Variants in PCDHA8 observed in about 807,000 individuals in gnomAD.
PCDHA8 encodes protocadherin alpha-8.
Under a neutral mutation model 61.8 loss-of-function variants are expected in PCDHA8, and 53 were observed. The ratio of observed to expected loss-of-function variants is 0.86; its 90% CI spans 0.69 to 1.08. The LOEUF is 1.08. Ranked by LOEUF, PCDHA8 falls within the 50% of genes least tolerant of loss-of-function variation. The probability of loss-of-function intolerance (pLI) is 0.00; values close to 1 mark genes in which losing one functional copy is unlikely to be tolerated. For missense variants in PCDHA8, 1,293 were observed against 1,245.0 expected (o/e 1.04, Z -0.58); for synonymous variants, 618 against 556.6 (o/e 1.11, Z -1.55).
intron 1 of PCDHA8, among the ~76,000 whole-genome samples, chr5:140,963,972 A>G (rs1233467161): frequency 2.0e-5 from 3 of 152,216 alleles, no homozygotes; most frequent in Non-Finnish European, 4.4e-5. Flanking sequence ...GACTGACTCC[A>G]AAGTCTATAT....
rs1365314674 is a variant in PCDHA8, at chr5:140,850,378, C to A, written c.2394+6663C>A. 1.3e-6 allele frequency: 2 copies of A among 1,597,842 alleles called. No homozygotes were observed. Among genetic ancestry groups the A allele is most frequent in the East Asian group, 2.2e-5 (1 of 44,846 alleles). On this transcript the variant is annotated intron_variant, in intron 1 of 3. Transcript: ENST00000531613. ...ATCCCGTTCCGCGTGGGGCTGTACA[C>A]GGGCGAGATCAGCACAACGCGTGCC...
At chr5:140,948,866 G>A (rs552659179) in intron 1 of PCDHA8, among the ~76,000 whole-genome samples, 32 of 151,022 alleles carry the variant, frequency 2.1e-4, no homozygotes, top group Non-Finnish European at 2.5e-4. Context: ...ATATTACTTC[G>A]GGTTTACTTT....
chr5:140,987,513 A>C (rs1324114239), intron 3 of PCDHA8, among the ~76,000 whole-genome samples: 3 of 152,168 alleles, frequency 2.0e-5, no homozygotes, highest in Non-Finnish European at 4.4e-5. Flanking sequence ...TCTGCCACTC[A>C]GTAATTGTAT....
At chr5:140,851,652 C>T (rs628890) in intron 1 of PCDHA8, 5 of 909,694 alleles carry the variant, frequency 5.5e-6, no homozygotes, top group Middle Eastern at 5.6e-4. Flanking sequence ...TTCAAGAAGA[C>T]ATTCTCCTTT....
chr5:140,841,357 G>T lies in PCDHA8; in HGVS notation c.36G>T (p.Trp12Cys). 1 of 1,613,058 alleles carries T rather than the reference G, an allele frequency of 6.2e-7. No individual in the cohort carries two copies. Among genetic ancestry groups the T allele is most frequent in the Non-Finnish European group, 8.5e-7 (1 of 1,179,412 alleles). The change falls in exon 1 of 4, where the codon TGG becomes TGT. Residue 12 changes from tryptophan to cysteine, a missense_variant. Transcript: ENST00000531613. ...ACTGGCGAGGAGAGCTGGGATCCTGGCGACTACTACTCTTGCTTCTGCTCC... is the reference window on the plus strand; with the variant it reads ...ACTGGCGAGGAGAGCTGGGATCCTGTCGACTACTACTCTTGCTTCTGCTCC... ...DYHWRGELGS[W>C]RLLLLLLLLA...
At chr5:140,959,331 T>C (rs1170663171) in intron 1 of PCDHA8, among the ~76,000 whole-genome samples, 1 of 152,072 alleles carries the variant, frequency 6.6e-6, no homozygotes. Flanking sequence ...GTTTTGATTA[T>C]GCTACTGCAC....
intron 1 of PCDHA8, among the ~76,000 whole-genome samples, chr5:140,957,854 T>C (rs2095390646): frequency 6.6e-6 from 1 of 151,872 alleles, no homozygotes; most frequent in Non-Finnish European, 1.5e-5. Context: ...GTTTGTGTAT[T>C]TTTTTTCCTA....
At chr5:141,008,985 A>G (rs566679512) in intron 3 of PCDHA8, among the ~76,000 whole-genome samples, 2 of 152,240 alleles carry the variant, frequency 1.3e-5, no homozygotes, top group South Asian at 4.1e-4. Context: ...AGTTTAATCT[A>G]GACACTAAAA....
At chr5:141,000,421 ATTT>A (rs34755515) in intron 3 of PCDHA8, among the ~76,000 whole-genome samples, 361 of 27,888 alleles carry the variant, frequency 0.013, no homozygotes, top group East Asian at 0.018. Context: ...ATATATATAT[ATTT>A]TTTTTTTTTT....
intron 3 of PCDHA8, among the ~76,000 whole-genome samples, chr5:140,991,989 G>A (rs782528431): frequency 1.3e-5 from 2 of 151,180 alleles, no homozygotes; most frequent in African/African-American, 4.9e-5. Flanking sequence ...CCTACCACCC[G>A]GTCTTTCATG....
chr5:140,979,088 A>G, intron 2 of PCDHA8, 81 bp downstream of exon 2: 1 of 1,559,594 alleles, frequency 6.4e-7, no homozygotes, highest in Non-Finnish European at 8.7e-7. Flanking sequence ...ATAGGCCAGA[A>G]GCAGCTGTCA....
At chr5:140,960,680 G>A (rs192174088) in intron 1 of PCDHA8, among the ~76,000 whole-genome samples, 2 of 152,162 alleles carry the variant, frequency 1.3e-5, no homozygotes, top group African/African-American at 4.8e-5. Context: ...AAACCTACTT[G>A]GGAATGAGGG....
At chr5:140,984,612 G>T (rs2097111075) in intron 3 of PCDHA8, among the ~76,000 whole-genome samples, 1 of 152,026 alleles carries the variant, frequency 6.6e-6, no homozygotes, top group Admixed American at 6.6e-5. Flanking sequence ...CTGCATCAGT[G>T]GTGTAAAGTT....
chr5:140,956,775 C>T (rs1176979643), intron 1 of PCDHA8, among the ~76,000 whole-genome samples: 1 of 152,112 alleles, frequency 6.6e-6, no homozygotes, highest in Non-Finnish European at 1.5e-5. Context: ...CTGTCTGGTC[C>T]TGGGCTTTGT....
At chr5:140,924,895 AAAAAAAAAAATAAAAT>A (rs200266637) in intron 1 of PCDHA8, among the ~76,000 whole-genome samples, 43,424 of 132,064 alleles carry the variant, frequency 0.33, 6,815 homozygotes, top group East Asian at 0.57. Flanking sequence ...AACCTGTCTC[AAAAAAAAAAATAAAAT>A]AAAATAAAAT....
intron 1 of PCDHA8, among the ~76,000 whole-genome samples, chr5:140,950,043 A>G (rs1011500100): frequency 1.6e-4 from 25 of 151,950 alleles, no homozygotes; most frequent in Non-Finnish European, 3.4e-4. Context: ...TTACAACCAT[A>G]TAAGACTATT....
At chr5:140,850,010 G>C in intron 1 of PCDHA8, 1 of 1,597,002 alleles carries the variant, frequency 6.3e-7, no homozygotes. Flanking sequence ...GCTCGCTGTC[G>C]AGCTACGTGT....
intron 1 of PCDHA8, among the ~76,000 whole-genome samples, chr5:140,896,577 G>A (rs1273423445): frequency 4.7e-5 from 7 of 149,554 alleles, no homozygotes; most frequent in African/African-American, 1.7e-4. Context: ...GGGTTTTGAC[G>A]TGTTGGCCAG....
intron 1 of PCDHA8, among the ~76,000 whole-genome samples, chr5:140,952,166 G>A (rs2094699360): frequency 6.6e-6 from 1 of 152,072 alleles, no homozygotes; most frequent in African/African-American, 2.4e-5. Flanking sequence ...GTGGGGTTCA[G>A]TTCCTGCAGC....
Sources: gnomAD v4.1 joint callset for allele counts (sites outside exome capture counted in the v4.1 genomes callset) on GRCh38, gnomAD v4.1.1 for gene constraint, MANE v1.5 for transcripts, NCBI Gene and HGNC (gene_info 2026-07-23, HGNC 2026-07-21) for gene names.